The following NBPF26 variants were observed in gnomAD, a reference collection of about 807,000 sequenced individuals.
The protein encoded by NBPF26 is NBPF member 26, also known as NBPF family member NBPF26.
A neutral mutation model predicts 119.6 loss-of-function variants in NBPF26; 79 were observed. The observed-to-expected ratio is 0.66, with a 90% CI of 0.55 to 0.80. The LOEUF is 0.80. Among genes scored for constraint, NBPF26 ranks in the 30% least tolerant of loss-of-function variants. The probability of loss-of-function intolerance (pLI) is 0.00; values close to 1 mark genes in which losing one functional copy is unlikely to be tolerated. For missense variants in NBPF26, 800 were observed against 1,198.2 expected (o/e 0.67, Z 4.91); for synonymous variants, 299 against 457.7 (o/e 0.65, Z 4.43).
chr1:120,784,668 T>G lies in NBPF26; in HGVS notation c.156-306T>G, dbSNP rs1349951760. Among the ~76,000 whole-genome samples the G allele has an allele frequency of 1.9e-4, 22 of 118,846 alleles. 9 individuals carry two copies. The highest frequency in any genetic ancestry group is 1.1e-3 in the African/African-American group (22 of 20,678). The allele number at this position is 118,846 out of a possible 152,430, so 78.0% of individuals were successfully genotyped here. A position where few individuals can be genotyped will look rare whatever the true frequency, so the allele number is the denominator to read the frequency against. On this transcript the variant is annotated intron_variant, in intron 2 of 29. Transcript: ENST00000620612. ...CCATTCCTTCCTGTTTAATTTTTTT[T>G]CACAGCACTTAACTCCATCTATTGT...
At position 120,814,798 on chromosome 1, in the gene NBPF26, C is replaced by G. The variant is rs1487907371; in HGVS notation, c.1878-31C>G. ...TGAGCGGATCACTCAACCCTTTCTA[C>G]TCTTAAATTTTCTCTACCGTCTCAC... On this transcript the variant is annotated intron_variant, in intron 11 of 29. Transcript: ENST00000620612. The G allele has an allele frequency of 8.6e-6, 11 of 1,276,650 alleles. 1 individual carries two copies. The East Asian group carries it at 1.8e-4, about 21-fold the overall frequency. The allele number at this position is 1,276,650 out of a possible 1,614,324, so 79.1% of individuals were successfully genotyped here. A position where few individuals can be genotyped will look rare whatever the true frequency, so the allele number is the denominator to read the frequency against.
chr1:120,825,211 C>T (rs1175713085), intron 18 of NBPF26, among the ~76,000 whole-genome samples: 1,691 of 118,422 alleles, frequency 0.014, 96 homozygotes, highest in African/African-American at 0.073. Context: ...GATCACTGTT[C>T]GCTGTGTGTC....
Position 120,807,857 on chromosome 1 carries a change from A to G in NBPF26, c.1064+148A>G, listed in dbSNP as rs2101496331. ...GCTCGCTACACACAAATATTTATCA[A>G]ACAGAGAAGGAGGATAGTAAAAATG... On this transcript the variant is annotated intron_variant, in intron 6 of 29. Coordinates refer to ENST00000620612, the Ensembl canonical transcript of NBPF26. 1.1e-5 allele frequency: 6 copies of G among 532,652 alleles called. No individual in the cohort carries two copies. The East Asian group carries it at 1.6e-4, about 15-fold the overall frequency. The allele number at this position is 532,652 out of a possible 1,614,324, so 33.0% of individuals were successfully genotyped here.
In NBPF26 at chr1:120,794,440, AAAG is replaced by A. The variant is rs1651534739; in HGVS notation, c.751+948_751+950del. Among the ~76,000 whole-genome samples the A allele has an allele frequency of 2.6e-5, 3 of 116,268 alleles. 1 individual carries two copies. In the South Asian group the frequency reaches 7.4e-4, roughly 29 times the overall value. The allele number at this position is 116,268 out of a possible 152,430, so 76.3% of individuals were successfully genotyped here. A position where few individuals can be genotyped will look rare whatever the true frequency, so the allele number is the denominator to read the frequency against. On this transcript the variant is annotated intron_variant, in intron 4 of 29. Coordinates refer to ENST00000620612, the Ensembl canonical transcript of NBPF26. ...TACAAATATCCTTAGTACAAAAACA[AAAG>A]AAGGAAAACTGTAGGAGGGAGTAAT...
chr1:120,800,558 G>A lies in NBPF26; in HGVS notation c.752-4998G>A, dbSNP rs1651572643. ...ATGGTAATGCTGTTTAACCTTTTCA[G>A]GAACTGTCAGACTGTTCTGAAGTGG... On this transcript the variant is annotated intron_variant, in intron 4 of 29. Transcript: ENST00000620612. Among the ~76,000 whole-genome samples, 2 of 29,274 alleles carry A rather than the reference G, an allele frequency of 6.8e-5. 1 individual carries two copies. Among genetic ancestry groups the A allele is most frequent in the Non-Finnish European group, 1.2e-4 (2 of 16,742 alleles). The allele number at this position is 29,274 out of a possible 152,430, so 19.2% of individuals were successfully genotyped here. A position where few individuals can be genotyped will look rare whatever the true frequency, so the allele number is the denominator to read the frequency against.
At chr1:120,809,860 A>G (rs1553270734) in exon 8 of NBPF26, 7 of 1,473,406 alleles carry the variant, frequency 4.8e-6, no homozygotes, top group Non-Finnish European at 6.4e-6. Flanking sequence ...AGGATGAGAA[A>G]GTACTGGAAT....
In NBPF26 at chr1:120,747,190, G is replaced by T. The variant is rs1236860288; in HGVS notation, c.74-16438G>T. Among the ~76,000 whole-genome samples, 2 of 30,254 alleles carry T rather than the reference G, an allele frequency of 6.6e-5. 1 individual carries two copies. Among genetic ancestry groups the T allele is most frequent in the Admixed American group, 5.6e-4 (2 of 3,580 alleles). The allele number at this position is 30,254 out of a possible 152,430, so 19.8% of individuals were successfully genotyped here. A position where few individuals can be genotyped will look rare whatever the true frequency, so the allele number is the denominator to read the frequency against. On this transcript the variant is annotated intron_variant, in intron 1 of 29. Transcript: ENST00000620612. ...AATTTGAGTAGGAAGGAGCTGGAAA[G>T]GCCTGGAAGTGTGAAGTGATTGGCC...
chr1:120,748,179 CAG>C (rs1354238061), intron 1 of NBPF26, among the ~76,000 whole-genome samples: 1 of 19,676 alleles, frequency 5.1e-5, no homozygotes, highest in African/African-American at 5.7e-4. Flanking sequence ...CTAGAAATGA[CAG>C]AGCAGTAGAA....
chr1:120,785,119 T>G, exon 3 of NBPF26: 1 of 1,446,564 alleles, frequency 6.9e-7, no homozygotes, highest in South Asian at 1.2e-5. Flanking sequence ...AGGAGAGGAC[T>G]GCCAGTACTC....
At chr1:120,745,951 G>A (rs1276541295) in intron 1 of NBPF26, among the ~76,000 whole-genome samples, 1 of 26,462 alleles carries the variant, frequency 3.8e-5, no homozygotes, top group Admixed American at 3.8e-4. Flanking sequence ...AGACTGGAGG[G>A]CAGTGGTGCG....
At chr1:120,808,000 C>A (rs1473163618) in intron 6 of NBPF26, among the ~76,000 whole-genome samples, 1 of 122,354 alleles carries the variant, frequency 8.2e-6, no homozygotes, top group Non-Finnish European at 1.7e-5. Context: ...CAGCAGCATT[C>A]AGTATAATCA....
At position 120,790,484 on chromosome 1, in the gene NBPF26, A is replaced by T. The variant is rs1377822219; in HGVS notation, c.416-2677A>T. ...AGGCAGCAAGTTAGTGCCTATACAT[A>T]ATATATATGGAAACCAAATTCAGGG... On this transcript the variant is annotated intron_variant, in intron 3 of 29. Coordinates refer to ENST00000620612, the Ensembl canonical transcript of NBPF26. Among the ~76,000 whole-genome samples the T allele has an allele frequency of 7.8e-5, 9 of 115,686 alleles. 2 individuals are homozygous for T. Among genetic ancestry groups the T allele is most frequent in the Admixed American group, 1.6e-4 (2 of 12,222 alleles). 75.9% of individuals were successfully genotyped at this position (115,686 alleles called of 152,430 possible).
chr1:120,794,155 CACAATACTTTGTT>C (rs1272842898), intron 4 of NBPF26, among the ~76,000 whole-genome samples: 1 of 114,708 alleles, frequency 8.7e-6, no homozygotes, highest in Non-Finnish European at 1.7e-5. Context: ...CTATGTGTGG[CACAATACTTTGTT>C]ACACTCTTCA....
chr1:120,758,947 A>G (rs1651103957), intron 1 of NBPF26, among the ~76,000 whole-genome samples: 1 of 103,040 alleles, frequency 9.7e-6, no homozygotes, highest in Non-Finnish European at 1.8e-5. Context: ...TGCTTTTTAT[A>G]CATTACTGGG....
intron 7 of NBPF26, among the ~76,000 whole-genome samples, 190 bp from the exon 8 acceptor site, chr1:120,809,621 T>C (rs1158538228): frequency 6.6e-6 from 1 of 150,928 alleles, no homozygotes; most frequent in Non-Finnish European, 1.5e-5. Flanking sequence ...ATGGTGGCCC[T>C]CCACATCAGA....
At chr1:120,807,472 G>C (rs1232245039) in intron 5 of NBPF26, 135 bp from the exon 6 acceptor site, 9,836 of 475,658 alleles carry the variant, frequency 0.021, 987 homozygotes, top group African/African-American at 0.14. Flanking sequence ...GAGTAAAGAT[G>C]TGGAAATCCC....
At chr1:120,805,564 T>A in exon 5 of NBPF26, 2 of 1,417,776 alleles carry the variant, frequency 1.4e-6, no homozygotes, top group South Asian at 2.4e-5. Flanking sequence ...AGTCCCTGAC[T>A]CCACCTCTTC....
chr1:120,750,479 T>C (rs1651010833), intron 1 of NBPF26, among the ~76,000 whole-genome samples: 1 of 106,710 alleles, frequency 9.4e-6, no homozygotes. Flanking sequence ...GAGATGTTAA[T>C]CCTAAATATA....
intron 8 of NBPF26, among the ~76,000 whole-genome samples, chr1:120,810,143 C>T (rs1362437891): frequency 8.1e-6 from 1 of 123,152 alleles, no homozygotes; most frequent in African/African-American, 4.4e-5. Flanking sequence ...TGAACACCAG[C>T]TGCTCTCTTC....
Sources: allele counts gnomAD v4.1 joint callset (sites outside exome capture counted in the v4.1 genomes callset), GRCh38; gene constraint gnomAD v4.1.1; transcripts MANE v1.5; gene names NCBI Gene and HGNC (gene_info 2026-07-23, HGNC 2026-07-21).